Variants in IRAG2 observed in about 807,000 individuals in gnomAD.
IRAG2 encodes inositol 1,4,5-triphosphate receptor associated 2, also known as lymphoid restricted membrane protein.
In IRAG2, 45 loss-of-function variants were observed where a neutral mutation model predicts 69.9. The ratio of observed to expected loss-of-function variants is 0.64; its 90% CI spans 0.51 to 0.83. IRAG2 has a LOEUF of 0.83. Ranked by LOEUF, IRAG2 falls within the 40% of genes least tolerant of loss-of-function variation. The pLI is 0.00. For synonymous variants in IRAG2, 193 were observed against 202.4 expected, an observed-to-expected ratio of 0.95 and a Z score of 0.40; for missense variants, 520 against 587.0, an observed-to-expected ratio of 0.89 and a Z score of 1.18.
At position 25,052,917 on chromosome 12, in the gene IRAG2, A is replaced by C; in HGVS notation, c.-486A>C. Reference sequence around the variant, plus strand: ...AACTATAAATACTGAATTATCGAACACTTGCCAGGCACTTCAGCAGAAGAC... The same window carrying C: ...AACTATAAATACTGAATTATCGAACCCTTGCCAGGCACTTCAGCAGAAGAC... On this transcript the variant is annotated 5_prime_UTR_variant, in exon 1 of 22. Transcript: ENST00000556887. The C allele has an allele frequency of 2.5e-6, 1 of 398,584 alleles. No individual in the cohort carries two copies. The highest frequency in any genetic ancestry group is 4.4e-6 in the Non-Finnish European group (1 of 226,068). 24.7% of individuals were successfully genotyped at this position (398,584 alleles called of 1,614,324 possible). A position where few individuals can be genotyped will look rare whatever the true frequency, so the allele number is the denominator to read the frequency against.
chr12:25,057,220 ATAGG>A (rs1161224738), intron 1 of IRAG2, among the ~76,000 whole-genome samples: 6 of 149,520 alleles, frequency 4.0e-5, no homozygotes, highest in Admixed American at 3.3e-4. Context: ...ATACATACAG[ATAGG>A]TAGGTAGGTA....
chr12:25,065,505 TG>T (rs1182388331), intron 4 of IRAG2, among the ~76,000 whole-genome samples: 1 of 152,242 alleles, frequency 6.6e-6, no homozygotes, highest in Non-Finnish European at 1.5e-5. Flanking sequence ...TACCATTCTT[TG>T]ATGGGTTCTA....
chr12:25,048,000 G>T (rs918177164), upstream of IRAG2, among the ~76,000 whole-genome samples: 3 of 152,060 alleles, frequency 2.0e-5, no homozygotes, highest in Non-Finnish European at 2.9e-5. Flanking sequence ...TGGGTCAAAT[G>T]GTATTTCTAC....
At chr12:25,089,709 G>T in intron 12 of IRAG2, 32 bp downstream of exon 12, 1 of 1,609,784 alleles carries the variant, frequency 6.2e-7, no homozygotes, top group South Asian at 1.1e-5. Context: ...ATGTTAACAT[G>T]TTTTATTTTT....
In IRAG2 at chr12:25,104,540, G is replaced by A; in HGVS notation, c.1148+78G>A. 7.4e-6 allele frequency: 6 copies of A among 809,842 alleles called. No homozygotes were observed. In the South Asian group the frequency reaches 8.3e-5, roughly 11 times the overall value. 50.2% of individuals were successfully genotyped at this position (809,842 alleles called of 1,614,324 possible). On this transcript the variant is annotated intron_variant, in intron 20 of 21. Coordinates refer to ENST00000556887, the MANE Select transcript of IRAG2 (RefSeq NM_001366544.2). ...ATGGGAATCACTTTTATTCCATGGA[G>A]ATGAAATAATGCTGTATAATTAAAA...
At chr12:25,098,547 C>T (rs1053946960) in intron 15 of IRAG2, among the ~76,000 whole-genome samples, 4 of 152,192 alleles carry the variant, frequency 2.6e-5, no homozygotes, top group African/African-American at 9.7e-5. Context: ...GGGAGCCTTC[C>T]CGACTAATTT....
chr12:25,048,347 A>G (rs541803647), upstream of IRAG2, among the ~76,000 whole-genome samples: 7 of 152,012 alleles, frequency 4.6e-5, no homozygotes, highest in Non-Finnish European at 1.0e-4. Flanking sequence ...CTGGAGTGCA[A>G]TGGCGGGGTC....
chr12:25,096,829 A>G, intron 14 of IRAG2, 81 bp from the exon 15 acceptor site: 6 of 1,090,144 alleles, frequency 5.5e-6, no homozygotes, highest in Non-Finnish European at 7.8e-6. Context: ...AATGTCATCC[A>G]CATTTGCAAC....
At chr12:25,063,525 G>A (rs1340173699) in intron 3 of IRAG2, among the ~76,000 whole-genome samples, 195 bp from the exon 4 acceptor site, 1 of 152,168 alleles carries the variant, frequency 6.6e-6, no homozygotes, top group African/African-American at 2.4e-5. Flanking sequence ...AGAATCATAA[G>A]TTACTCATAT....
At chr12:25,064,828 G>A (rs112402658) in intron 4 of IRAG2, among the ~76,000 whole-genome samples, 3,575 of 152,316 alleles carry the variant, frequency 0.023, 130 homozygotes, top group African/African-American at 0.072. Flanking sequence ...AGTGGCTCAA[G>A]CCTGTAATTC....
chr12:25,077,922 A>G (rs1946937938), intron 6 of IRAG2, among the ~76,000 whole-genome samples: 1 of 152,250 alleles, frequency 6.6e-6, no homozygotes, highest in Non-Finnish European at 1.5e-5. Flanking sequence ...TGAGGTGAAC[A>G]TCTTACAAGT....
At chr12:25,002,973 G>C (rs1944403249), upstream of IRAG2, among the ~76,000 whole-genome samples, 1 of 152,052 alleles carries the variant, frequency 6.6e-6, no homozygotes, top group African/African-American at 2.4e-5. Flanking sequence ...GGGAAAGAAG[G>C]GTATTGTCAG....
At chr12:25,069,283 A>C in intron 5 of IRAG2, 67 bp from the exon 6 acceptor site, 1 of 711,446 alleles carries the variant, frequency 1.4e-6, no homozygotes, top group East Asian at 2.5e-5. Context: ...ACCATGTTAT[A>C]GTTTAGTATC....
At chr12:25,042,713 C>A (rs1385435110) in intron 16 of IRAG2, among the ~76,000 whole-genome samples, 1 of 151,762 alleles carries the variant, frequency 6.6e-6, no homozygotes, top group Non-Finnish European at 1.5e-5. Flanking sequence ...GATCCACCTG[C>A]CTCGGCCTCC....
chr12:25,043,543 G>A (rs915164585), intron 16 of IRAG2, among the ~76,000 whole-genome samples: 4 of 152,072 alleles, frequency 2.6e-5, no homozygotes, highest in Non-Finnish European at 5.9e-5. Context: ...TGGAAGAGCT[G>A]GATTATGTAT....
At chr12:25,017,134 A>G in exon 6 of IRAG2, 1 of 1,231,992 alleles carries the variant, frequency 8.1e-7, no homozygotes, top group East Asian at 3.2e-5. Context: ...TTACTTGCAG[A>G]GAGGTGTCTG....
At chr12:25,071,521 A>G (rs1302903433) in intron 6 of IRAG2, among the ~76,000 whole-genome samples, 1 of 152,226 alleles carries the variant, frequency 6.6e-6, no homozygotes, top group African/African-American at 2.4e-5. Flanking sequence ...GAAGAAACAA[A>G]TATCAGTTGT....
At position 25,104,058 on chromosome 12, in the gene IRAG2, G is replaced by A; in HGVS notation, c.1046G>A (p.Trp349Ter). 2.5e-6 allele frequency: 4 copies of A among 1,612,928 alleles called. No individual in the cohort carries two copies. Among genetic ancestry groups the A allele is most frequent in the Non-Finnish European group, 3.4e-6 (4 of 1,179,532 alleles). ...CGATTCAGTAGAAGGTCAAGCAGTT[G>A]GTAAGTGTAATTTTATGGTTCCTCT... ...NDRFSRRSSS[W>*]RILGSKQSEH... The change falls in exon 19 of 22, where the codon TGG becomes TAG. Residue 349 changes from tryptophan (W) to a stop codon, truncating the protein, a stop_gained and splice_region_variant. Coordinates refer to ENST00000556887, the MANE Select transcript of IRAG2 (RefSeq NM_001366544.2). LOFTEE classifies it high-confidence loss of function.
intron 6 of IRAG2, among the ~76,000 whole-genome samples, chr12:25,019,795 C>G (rs1000256203): frequency 1.3e-5 from 2 of 152,234 alleles, no homozygotes; most frequent in African/African-American, 4.8e-5. Flanking sequence ...GTTTATATCA[C>G]TGTGACCTCC....
Sources: gnomAD v4.1 joint callset for allele counts (sites outside exome capture counted in the v4.1 genomes callset) on GRCh38, gnomAD v4.1.1 for gene constraint, MANE v1.5 for transcripts, NCBI Gene and HGNC (gene_info 2026-07-23, HGNC 2026-07-21) for gene names.